Variants in PTPRR observed in about 807,000 individuals in gnomAD.
The protein encoded by PTPRR is protein tyrosine phosphatase receptor type R, also known as receptor-type tyrosine-protein phosphatase R.
Under a neutral mutation model 77.2 loss-of-function variants are expected in PTPRR, and 38 were observed. That is an observed-to-expected ratio of 0.49 (90% CI 0.38 to 0.65). The LOEUF (loss-of-function observed/expected upper bound fraction) is 0.65. Among genes scored for constraint, PTPRR ranks in the 30% least tolerant of loss-of-function variants. The pLI, the probability that PTPRR is intolerant of heterozygous loss-of-function variation, is 0.00. For synonymous variants in PTPRR, 299 were observed against 283.1 expected (o/e 1.06, Z -0.57); for missense variants, 744 against 799.2 (o/e 0.93, Z 0.83).
At position 70,789,858 on chromosome 12, in the gene PTPRR, T is replaced by C. The variant is rs578025475; in HGVS notation, c.358-25080A>G. Reference sequence around the variant, plus strand: ...GTGTTAAGGGTATTAAAAATGTTCATAATCTTTAATCCAGTAATTCCCCAT... The same window carrying C: ...GTGTTAAGGGTATTAAAAATGTTCACAATCTTTAATCCAGTAATTCCCCAT... On this transcript the variant is annotated intron_variant, in intron 2 of 13. Coordinates refer to ENST00000283228, the MANE Select transcript of PTPRR (RefSeq NM_002849.4). Among the ~76,000 whole-genome samples, 4 of 152,254 alleles carry C rather than the reference T, an allele frequency of 2.6e-5. No individual in the cohort carries two copies. The East Asian group carries it at 7.7e-4, about 29-fold the overall frequency.
intron 5 of PTPRR, among the ~76,000 whole-genome samples, chr12:70,748,498 C>CT (rs1480386881): frequency 6.6e-6 from 1 of 152,094 alleles, no homozygotes; most frequent in Non-Finnish European, 1.5e-5. Flanking sequence ...TCTCCAAGAG[C>CT]TTGTTTGACT....
intron 2 of PTPRR, among the ~76,000 whole-genome samples, chr12:70,847,626 T>C (rs1371850881): frequency 6.6e-6 from 1 of 152,152 alleles, no homozygotes; most frequent in East Asian, 1.9e-4. Context: ...TTAAAAATTT[T>C]TTATTGTTCC....
chr12:70,690,452 T>C (rs1888017049), intron 8 of PTPRR, among the ~76,000 whole-genome samples: 1 of 152,152 alleles, frequency 6.6e-6, no homozygotes, highest in Non-Finnish European at 1.5e-5. Context: ...ATTATCACGA[T>C]CTATAAAAAA....
chr12:70,755,355 T>C (rs1890535452), intron 4 of PTPRR, among the ~76,000 whole-genome samples: 1 of 152,202 alleles, frequency 6.6e-6, no homozygotes, highest in African/African-American at 2.4e-5. Flanking sequence ...TGTAGGTGTC[T>C]GAACTTTGAA....
chr12:70,638,377 A>C lies in PTPRR; in HGVS notation c.*807T>G, dbSNP rs1192697568. 1.3e-5 allele frequency: 2 copies of C among 152,558 alleles called. No individual in the cohort carries two copies. The highest frequency in any genetic ancestry group is 4.8e-5 in the African/African-American group (2 of 41,452). The allele number at this position is 152,558 out of a possible 1,614,324, so 9.5% of individuals were successfully genotyped here. A position where few individuals can be genotyped will look rare whatever the true frequency, so the allele number is the denominator to read the frequency against. On this transcript the variant is annotated 3_prime_UTR_variant, in exon 14 of 14. Coordinates refer to ENST00000283228, the MANE Select transcript of PTPRR (RefSeq NM_002849.4). ...TTAGCAAAAGAGAGACAAGTAGTTA[A>C]AACTCTTGATACTTCAGAGTTGCTA...
intron 2 of PTPRR, among the ~76,000 whole-genome samples, chr12:70,835,080 A>G (rs1002233712): frequency 6.6e-6 from 1 of 152,080 alleles, no homozygotes; most frequent in African/African-American, 2.4e-5. Flanking sequence ...TCCCATAAAA[A>G]CTTGTGAGAT....
intron 12 of PTPRR, among the ~76,000 whole-genome samples, chr12:70,660,360 T>G (rs1482741256): frequency 1.3e-5 from 2 of 152,158 alleles, no homozygotes; most frequent in East Asian, 3.8e-4. Context: ...GCTGCTGTTG[T>G]TGGCTTGGCC....
At chr12:70,734,707 G>A (rs1351860918) in intron 6 of PTPRR, among the ~76,000 whole-genome samples, 1 of 152,176 alleles carries the variant, frequency 6.6e-6, no homozygotes, top group Non-Finnish European at 1.5e-5. Flanking sequence ...ATTCCTCTTA[G>A]AGCCACTGCC....
At chr12:70,778,625 G>A (rs1045518366) in intron 2 of PTPRR, among the ~76,000 whole-genome samples, 22 of 152,042 alleles carry the variant, frequency 1.4e-4, no homozygotes, top group African/African-American at 5.3e-4. Context: ...TCTGCACTCT[G>A]TCCTTATGTT....
chr12:70,896,891 T>C (rs1893437962), intron 1 of PTPRR, among the ~76,000 whole-genome samples: 1 of 151,832 alleles, frequency 6.6e-6, no homozygotes, highest in Admixed American at 6.6e-5. Flanking sequence ...TTGCTTGTTT[T>C]TGTCAGGTTT....
At chr12:70,642,162 C>T (rs1481054872) in intron 13 of PTPRR, among the ~76,000 whole-genome samples, 1 of 151,790 alleles carries the variant, frequency 6.6e-6, no homozygotes, top group Non-Finnish European at 1.5e-5. Flanking sequence ...TCCCCCAGTG[C>T]CTACATGGTG....
At chr12:70,840,495 C>T (rs1488180933) in intron 2 of PTPRR, among the ~76,000 whole-genome samples, 1 of 152,088 alleles carries the variant, frequency 6.6e-6, no homozygotes, top group African/African-American at 2.4e-5. Context: ...AGGATGTGGA[C>T]ATCTTTGTGG....
intron 13 of PTPRR, among the ~76,000 whole-genome samples, chr12:70,654,805 T>C (rs1886518006): frequency 6.6e-6 from 1 of 152,206 alleles, no homozygotes; most frequent in Admixed American, 6.5e-5. Context: ...TTAGTAAACA[T>C]TTGTTGTTTG....
At chr12:70,694,698 G>T (rs964592565) in intron 8 of PTPRR, among the ~76,000 whole-genome samples, 1 of 151,984 alleles carries the variant, frequency 6.6e-6, no homozygotes, top group Non-Finnish European at 1.5e-5. Context: ...CTTCCTATTG[G>T]GTACTATGTT....
intron 1 of PTPRR, among the ~76,000 whole-genome samples, chr12:70,915,395 T>C (rs1044983088): frequency 1.3e-5 from 2 of 152,200 alleles, no homozygotes; most frequent in African/African-American, 4.8e-5. Flanking sequence ...ATGGAATATG[T>C]GAGGTGCTAT....
chr12:70,739,598 C>T (rs961851223), intron 6 of PTPRR, among the ~76,000 whole-genome samples: 2 of 152,182 alleles, frequency 1.3e-5, no homozygotes, highest in Admixed American at 1.3e-4. Context: ...AGCCATAGTA[C>T]CTGTTCTTAA....
At chr12:70,764,598 C>A in intron 3 of PTPRR, 67 bp downstream of exon 3, 1 of 1,273,826 alleles carries the variant, frequency 7.9e-7, no homozygotes, top group Non-Finnish European at 1.1e-6. Context: ...TAGCATGAGC[C>A]CTTTAGTGAT....
At chr12:70,879,220 G>A (rs1239858283) in intron 2 of PTPRR, among the ~76,000 whole-genome samples, 4 of 151,936 alleles carry the variant, frequency 2.6e-5, no homozygotes, top group African/African-American at 9.7e-5. Context: ...CCTGCACATT[G>A]CACACATGTA....
intron 6 of PTPRR, among the ~76,000 whole-genome samples, chr12:70,742,480 C>A (rs1323617222): frequency 6.6e-6 from 1 of 151,966 alleles, no homozygotes; most frequent in Non-Finnish European, 1.5e-5. Context: ...GAAAAATGTC[C>A]AAGTAGCAGG....
Sources: gnomAD v4.1 joint callset for allele counts (sites outside exome capture counted in the v4.1 genomes callset) on GRCh38, gnomAD v4.1.1 for gene constraint, MANE v1.5 for transcripts, NCBI Gene and HGNC (gene_info 2026-07-23, HGNC 2026-07-21) for gene names.